Variants in RASAL2 observed in about 807,000 individuals in gnomAD.
RASAL2 encodes ras GTPase-activating protein nGAP.
Under a neutral mutation model 128.9 loss-of-function variants are expected in RASAL2, and 58 were observed. That is an observed-to-expected ratio of 0.45 (90% CI 0.36 to 0.56). RASAL2 has a LOEUF of 0.56. RASAL2 is among the 20% of genes least tolerant of loss of function. The pLI, the probability that RASAL2 is intolerant of heterozygous loss-of-function variation, is 0.00. For missense variants in RASAL2, 1,360 were observed against 1,601.6 expected, an observed-to-expected ratio of 0.85 and a Z score of 2.57; for synonymous variants, 561 against 580.8, an observed-to-expected ratio of 0.97 and a Z score of 0.49.
At chr1:178,440,485 T>A (rs1037196461) in intron 6 of RASAL2, among the ~76,000 whole-genome samples, 8 of 152,098 alleles carry the variant, frequency 5.3e-5, no homozygotes, top group Non-Finnish European at 1.0e-4. Context: ...GCAGCACATC[T>A]CAATCTGGAA....
intron 17 of RASAL2, among the ~76,000 whole-genome samples, chr1:178,469,935 A>G (rs1054160398): frequency 1.3e-5 from 2 of 152,264 alleles, no homozygotes; most frequent in African/African-American, 4.8e-5. Flanking sequence ...AAACCTCTGC[A>G]CCATGCATAG....
rs553958199 is a variant in RASAL2, at chr1:178,144,426, T to A, written c.202+49732T>A. Among the ~76,000 whole-genome samples the A allele has an allele frequency of 1.0e-3, 159 of 152,336 alleles. 1 individual carries two copies. Among genetic ancestry groups the A allele is most frequent in the African/African-American group, 3.6e-3 (148 of 41,590 alleles). ...GCTCTTCACATTCTGTATTGATTTT[T>A]AAAAATATTTTAAAATTGTTTCTCT... On this transcript the variant is annotated intron_variant, in intron 1 of 17. Transcript: ENST00000367649.
intron 1 of RASAL2, among the ~76,000 whole-genome samples, chr1:178,224,397 T>C (rs1663718284): frequency 6.6e-6 from 1 of 152,114 alleles, no homozygotes; most frequent in South Asian, 2.1e-4. Flanking sequence ...GTTGTGTACA[T>C]GTCAGGTGTG....
chr1:178,205,871 T>G (rs1003935170), intron 1 of RASAL2, among the ~76,000 whole-genome samples: 1 of 151,870 alleles, frequency 6.6e-6, no homozygotes, highest in Non-Finnish European at 1.5e-5. Context: ...CCACCCATAC[T>G]TACCATTTTA....
At chr1:178,266,202 T>A (rs1665941086) in intron 1 of RASAL2, among the ~76,000 whole-genome samples, 1 of 152,242 alleles carries the variant, frequency 6.6e-6, no homozygotes, top group Admixed American at 6.5e-5. Context: ...TTTACCAATT[T>A]ATACTCTCAC....
At chr1:178,349,821 C>G (rs922963330) in intron 3 of RASAL2, among the ~76,000 whole-genome samples, 3 of 152,202 alleles carry the variant, frequency 2.0e-5, no homozygotes, top group African/African-American at 7.2e-5. Flanking sequence ...ATGTGTAATT[C>G]CTTGTTATAT....
chr1:178,214,206 G>A (rs1024176587), intron 1 of RASAL2, among the ~76,000 whole-genome samples: 1 of 152,104 alleles, frequency 6.6e-6, no homozygotes, highest in Non-Finnish European at 1.5e-5. Flanking sequence ...GGAGTTCAAG[G>A]CTATAGTGAA....
intron 1 of RASAL2, among the ~76,000 whole-genome samples, chr1:178,236,954 G>C (rs1478363078): frequency 1.3e-5 from 2 of 151,704 alleles, no homozygotes; most frequent in African/African-American, 4.8e-5. Flanking sequence ...AGTAGAGATG[G>C]GGTTTCGCCA....
intron 3 of RASAL2, among the ~76,000 whole-genome samples, chr1:178,325,365 G>A (rs1449887223): frequency 6.6e-6 from 1 of 152,048 alleles, no homozygotes; most frequent in South Asian, 2.1e-4. Context: ...AGGCCTTTAG[G>A]TTTTTTCCCT....
chr1:178,400,429 C>A (rs1276243515), intron 4 of RASAL2, among the ~76,000 whole-genome samples: 4 of 152,150 alleles, frequency 2.6e-5, no homozygotes, highest in African/African-American at 9.7e-5. Flanking sequence ...TTAACCTTGG[C>A]CGTCTCTGTC....
intron 1 of RASAL2, among the ~76,000 whole-genome samples, chr1:178,200,669 A>G (rs1375100552): frequency 6.6e-6 from 1 of 152,188 alleles, no homozygotes; most frequent in African/African-American, 2.4e-5. Context: ...CAAAAGGTGC[A>G]TGGACAGCCT....
At chr1:178,303,095 G>A (rs925253417) in intron 3 of RASAL2, among the ~76,000 whole-genome samples, 2 of 152,082 alleles carry the variant, frequency 1.3e-5, no homozygotes, top group Non-Finnish European at 2.9e-5. Flanking sequence ...GAGTCTTGAA[G>A]TTATCCCATA....
chr1:178,321,664 C>T (rs1668787551), intron 3 of RASAL2, among the ~76,000 whole-genome samples: 1 of 151,846 alleles, frequency 6.6e-6, no homozygotes, highest in South Asian at 2.1e-4. Flanking sequence ...CAGGCATGTG[C>T]CACCAGAACC....
At chr1:178,460,388 A>G (rs986152354) in intron 14 of RASAL2, among the ~76,000 whole-genome samples, 3 of 152,148 alleles carry the variant, frequency 2.0e-5, no homozygotes, top group African/African-American at 7.2e-5. Context: ...ATTATAAATT[A>G]AATAGCCTTT....
chr1:178,308,762 C>T (rs1382868416), intron 3 of RASAL2, among the ~76,000 whole-genome samples: 2 of 151,850 alleles, frequency 1.3e-5, no homozygotes, highest in African/African-American at 4.8e-5. Context: ...GTTGCTCATG[C>T]TGGGAAACCT....
At chr1:178,118,184 A>G (rs1659583176) in intron 1 of RASAL2, among the ~76,000 whole-genome samples, 1 of 151,294 alleles carries the variant, frequency 6.6e-6, no homozygotes, top group Admixed American at 6.6e-5. Flanking sequence ...AAAGATATAT[A>G]TATATTTCTT....
chr1:178,211,852 T>C (rs1234440213), intron 1 of RASAL2, among the ~76,000 whole-genome samples: 1 of 152,236 alleles, frequency 6.6e-6, no homozygotes, highest in East Asian at 1.9e-4. Context: ...AACAGTTACT[T>C]GTGTCCATGT....
At chr1:178,185,452 T>G (rs180758069) in intron 1 of RASAL2, among the ~76,000 whole-genome samples, 3 of 152,132 alleles carry the variant, frequency 2.0e-5, no homozygotes, top group Non-Finnish European at 4.4e-5. Context: ...TAGTTATAGG[T>G]TTTTTGTAGA....
chr1:178,131,408 A>G (rs1660114555), intron 1 of RASAL2, among the ~76,000 whole-genome samples: 1 of 96,538 alleles, frequency 1.0e-5, no homozygotes, highest in African/African-American at 4.3e-5. Context: ...TTTTGTGGAG[A>G]CAGGGTACGT....
Sources: allele counts gnomAD v4.1 joint callset (sites outside exome capture counted in the v4.1 genomes callset), GRCh38; gene constraint gnomAD v4.1.1; transcripts MANE v1.5; gene names NCBI Gene and HGNC (gene_info 2026-07-23, HGNC 2026-07-21).